Variants in MIB1 observed in about 807,000 individuals in gnomAD.
MIB1 encodes the protein E3 ubiquitin-protein ligase MIB1.
In MIB1, 278 loss-of-function variants were observed where a neutral mutation model predicts 124.5. The observed-to-expected ratio is 2.23, with a 90% confidence interval of 2.02 to 2.47. MIB1 has a LOEUF of 2.47. MIB1 is among the 30% of genes most tolerant of loss of function. The pLI, the probability that MIB1 is intolerant of heterozygous loss-of-function variation, is 0.00. For synonymous variants in MIB1, 446 were observed against 429.4 expected, an observed-to-expected ratio of 1.04 and a Z score of -0.48; for missense variants, 957 against 1,254.4, an observed-to-expected ratio of 0.76 and a Z score of 3.58.
intron 16 of MIB1, 110 bp downstream of exon 16, chr18:21,847,235 G>T (rs570886896): frequency 2.1e-6 from 2 of 948,556 alleles, no homozygotes; most frequent in Non-Finnish European, 3.1e-6. Context: ...TGCTCTTCCT[G>T]TATATTTGTG....
intron 14 of MIB1, among the ~76,000 whole-genome samples, chr18:21,843,572 T>C (rs1318969795): frequency 6.6e-6 from 1 of 152,248 alleles, no homozygotes; most frequent in East Asian, 1.9e-4. Flanking sequence ...GGTTGTAGTT[T>C]AGCAAACACT....
chr18:21,824,316 T>A (rs180686897), intron 12 of MIB1, among the ~76,000 whole-genome samples: 2 of 152,164 alleles, frequency 1.3e-5, no homozygotes, highest in East Asian at 3.9e-4. Context: ...TGTGAGCAAC[T>A]CATAGTTTTC....
In MIB1 at chr18:21,823,401, T is replaced by TA. The variant is rs757621455; in HGVS notation, c.1829+3770dup. Among the ~76,000 whole-genome samples, 479 of 128,392 alleles carry TA rather than the reference T, an allele frequency of 3.7e-3. 1 individual carries two copies. Among genetic ancestry groups the TA allele is most frequent in the Middle Eastern group, 0.016 (4 of 252 alleles). 84.2% of individuals were successfully genotyped at this position (128,392 alleles called of 152,430 possible). A position where few individuals can be genotyped will look rare whatever the true frequency, so the allele number is the denominator to read the frequency against. Reference sequence around the variant, plus strand: ...GAGCAACATAGCAAGACCCTGTCTCTAAAAAAAAAAAAAAAGAAAGAAAAG... The same window carrying TA: ...GAGCAACATAGCAAGACCCTGTCTCTAAAAAAAAAAAAAAAAGAAAGAAAAG... On this transcript the variant is annotated intron_variant, in intron 12 of 20. Transcript: ENST00000261537.
At chr18:21,849,059 A>T in intron 16 of MIB1, 137 bp from the exon 17 acceptor site, 1 of 549,942 alleles carries the variant, frequency 1.8e-6, no homozygotes, top group Non-Finnish European at 3.1e-6. Context: ...AATGTTTCAC[A>T]TACAGATGTT....
In MIB1 at chr18:21,870,614, T is replaced by C. The variant is rs930616354; in HGVS notation, c.*5948T>C. On this transcript the variant is annotated 3_prime_UTR_variant, in exon 21 of 21. Transcript: ENST00000261537. ...ATTTTAAAGCAATGATCTATTTGGG[T>C]TTTAGTTTTATGAGTAAATCATTAA... The C allele has an allele frequency of 5.9e-5, 9 of 152,240 alleles. No homozygotes were observed. The highest frequency in any genetic ancestry group is 3.4e-3 in the Middle Eastern group (1 of 292). 9.4% of individuals were successfully genotyped at this position (152,240 alleles called of 1,614,324 possible).
chr18:21,815,726 A>G lies in MIB1; in HGVS notation c.1590A>G (p.Arg530=). 12 of 1,614,188 alleles carry G rather than the reference A, an allele frequency of 7.4e-6. No individual in the cohort carries two copies. The highest frequency in any genetic ancestry group is 1.0e-5 in the Non-Finnish European group (12 of 1,180,028). The change falls in exon 11 of 21, where the codon CGA becomes CGG. Residue 530 remains arginine, a synonymous_variant. Coordinates refer to ENST00000261537, the MANE Select transcript of MIB1 (RefSeq NM_020774.4). Reference sequence around the variant, plus strand: ...ATTTGAATGCTCGAAACAAGCGCCGACAGACACCACTTCATATTGCTGTCA... The same window carrying G: ...ATTTGAATGCTCGAAACAAGCGCCGGCAGACACCACTTCATATTGCTGTCA... ...SADLNARNKR[R]QTPLHIAVNK...
chr18:21,818,768 C>T (rs1224265673), intron 11 of MIB1, among the ~76,000 whole-genome samples: 1 of 152,100 alleles, frequency 6.6e-6, no homozygotes, highest in East Asian at 1.9e-4. Flanking sequence ...AACCCCGTCT[C>T]TACTAAAAAT....
intron 20 of MIB1, among the ~76,000 whole-genome samples, chr18:21,861,660 A>AC (rs1568231233): frequency 1.3e-5 from 2 of 151,486 alleles, no homozygotes; most frequent in African/African-American, 4.8e-5. Context: ...TAAAAAAAAA[A>AC]AACAAACAAC....
At chr18:21,822,677 A>C (rs1248205768) in intron 12 of MIB1, among the ~76,000 whole-genome samples, 1 of 135,500 alleles carries the variant, frequency 7.4e-6, no homozygotes, top group African/African-American at 2.7e-5. Context: ...TCTTTTTTTC[A>C]TATCAAATTT....
At chr18:21,841,836 G>A (rs952592594) in intron 13 of MIB1, among the ~76,000 whole-genome samples, 13 of 151,998 alleles carry the variant, frequency 8.6e-5, no homozygotes, top group Non-Finnish European at 1.9e-4. Context: ...GTAGTGCTGG[G>A]ATAAACAAAT....
chr18:21,728,406 T>C (rs1414965688), intron 1 of MIB1, among the ~76,000 whole-genome samples: 1 of 152,062 alleles, frequency 6.6e-6, no homozygotes, highest in African/African-American at 2.4e-5. Context: ...GGCAGGAGAA[T>C]TGCTTGAACC....
chr18:21,818,723 T>C (rs1158551738), intron 11 of MIB1, among the ~76,000 whole-genome samples: 1 of 151,938 alleles, frequency 6.6e-6, no homozygotes, highest in Non-Finnish European at 1.5e-5. Flanking sequence ...GATCACGAGG[T>C]CAGGAGTCTG....
intron 20 of MIB1, among the ~76,000 whole-genome samples, chr18:21,863,268 G>A (rs920962997): frequency 6.6e-6 from 1 of 152,204 alleles, no homozygotes; most frequent in Non-Finnish European, 1.5e-5. Flanking sequence ...AGCTCAGTTG[G>A]CCCCTTGCCT....
At chr18:21,815,014 TATATATATATATATA>T (rs1568212902) in intron 10 of MIB1, among the ~76,000 whole-genome samples, 10 of 11,588 alleles carry the variant, frequency 8.6e-4, no homozygotes, top group African/African-American at 2.0e-3. Flanking sequence ...GTTGGTTTTA[TATATATATATATATA>T]TATATATATA....
At chr18:21,729,353 T>C (rs2040757385) in intron 1 of MIB1, among the ~76,000 whole-genome samples, 1 of 152,146 alleles carries the variant, frequency 6.6e-6, no homozygotes, top group Non-Finnish European at 1.5e-5. Context: ...TCTGGAGGCT[T>C]AGAGGTCCAA....
chr18:21,857,023 T>G (rs914201960), intron 18 of MIB1, 107 bp from the exon 19 acceptor site: 1 of 740,868 alleles, frequency 1.3e-6, no homozygotes, highest in African/African-American at 1.7e-5. Context: ...ATAACTTGTA[T>G]AACATTTATT....
At chr18:21,711,438 C>T (rs1026850226) in intron 1 of MIB1, among the ~76,000 whole-genome samples, 9 of 151,904 alleles carry the variant, frequency 5.9e-5, no homozygotes, top group Non-Finnish European at 1.0e-4. Flanking sequence ...CCTGCCACTA[C>T]GCCCGGCTAA....
chr18:21,794,440 A>G (rs932401049), intron 7 of MIB1, among the ~76,000 whole-genome samples: 1 of 134,524 alleles, frequency 7.4e-6, no homozygotes, highest in Non-Finnish European at 1.6e-5. Flanking sequence ...AACATTAAAT[A>G]GCCTCTCTCT....
At chr18:21,826,245 C>A in intron 12 of MIB1, 1 of 157,842 alleles carries the variant, frequency 6.3e-6, no homozygotes. Flanking sequence ...CCTTCTACTG[C>A]CACTGCTTCT....
Sources: gnomAD v4.1 joint callset for allele counts (sites outside exome capture counted in the v4.1 genomes callset) on GRCh38, gnomAD v4.1.1 for gene constraint, MANE v1.5 for transcripts, NCBI Gene and HGNC (gene_info 2026-07-23, HGNC 2026-07-21) for gene names.